ETNK1: variants seen among roughly 807,000 people sequenced by gnomAD.
The protein encoded by ETNK1 is ethanolamine kinase 1.
A neutral mutation model predicts 45.1 loss-of-function variants in ETNK1; 8 were observed. The observed-to-expected ratio is 0.18, with a 90% CI of 0.10 to 0.32. The LOEUF (loss-of-function observed/expected upper bound fraction) is 0.32, where lower values mean the gene tolerates loss of function less well. Among genes scored for constraint, ETNK1 ranks in the 10% least tolerant of loss-of-function variants. The pLI, the probability that ETNK1 is intolerant of heterozygous loss-of-function variation, is 1.00. For synonymous variants in ETNK1, 152 were observed against 151.9 expected (o/e 1.00, Z -0.01); for missense variants, 302 against 430.6 (o/e 0.70, Z 2.64).
intron 2 of ETNK1, among the ~76,000 whole-genome samples, chr12:22,658,001 A>G (rs1227460816): frequency 6.6e-6 from 1 of 152,216 alleles, no homozygotes; most frequent in Non-Finnish European, 1.5e-5. Context: ...TTTGCATATT[A>G]AAATCACTTG....
intron 1 of ETNK1, among the ~76,000 whole-genome samples, chr12:22,627,153 T>A (rs965488893): frequency 1.3e-5 from 2 of 150,436 alleles, no homozygotes; most frequent in Admixed American, 6.6e-5. Flanking sequence ...TTAAATTATT[T>A]TTTTTTTATC....
In ETNK1 at chr12:22,690,155, G is replaced by A. The variant is rs941067887; in HGVS notation, c.*5201G>A. On this transcript the variant is annotated 3_prime_UTR_variant, in exon 8 of 8. Transcript: ENST00000266517. ...TGTTTATCAAATGTGAACCATAGTA[G>A]TATAATGCTGCTTTGTATATAATGT... 4 of 152,452 alleles carry A rather than the reference G, an allele frequency of 2.6e-5. No individual in the cohort carries two copies. The highest frequency in any genetic ancestry group is 1.5e-5 in the Non-Finnish European group (1 of 67,894). The allele number at this position is 152,452 out of a possible 1,614,324, so 9.4% of individuals were successfully genotyped here. A position where few individuals can be genotyped will look rare whatever the true frequency, so the allele number is the denominator to read the frequency against.
chr12:22,681,137 G>A (rs187819256), intron 6 of ETNK1, among the ~76,000 whole-genome samples: 2 of 151,946 alleles, frequency 1.3e-5, no homozygotes, highest in Admixed American at 1.3e-4. Flanking sequence ...GCTGTTTTCT[G>A]CCTTTGTTTC....
intron 1 of ETNK1, among the ~76,000 whole-genome samples, chr12:22,636,722 TTTC>T (rs1366395298): frequency 1.3e-5 from 2 of 152,224 alleles, no homozygotes; most frequent in Non-Finnish European, 2.9e-5. Flanking sequence ...GCAGATATTT[TTTC>T]TTGTCATTAT....
At chr12:22,656,789 A>G in intron 2 of ETNK1, 1 of 983,066 alleles carries the variant, frequency 1.0e-6, no homozygotes, top group Non-Finnish European at 1.2e-6. Context: ...TATTTAAAAA[A>G]ACCACAGCAA....
chr12:22,639,006 A>G (rs1052914503), intron 1 of ETNK1: 1 of 152,172 alleles, frequency 6.6e-6, no homozygotes, highest in Non-Finnish European at 1.5e-5. Flanking sequence ...TCAGTTCATA[A>G]TAAAATTTTA....
rs962100791 is a variant in ETNK1, at chr12:22,684,350, A to C, written c.946-133A>C. The C allele has an allele frequency of 2.0e-5, 13 of 635,856 alleles. No homozygotes were observed. The African/African-American group carries it at 2.2e-4, about 11-fold the overall frequency. The allele number at this position is 635,856 out of a possible 1,614,324, so 39.4% of individuals were successfully genotyped here. ...GACGTCAGTAGGATCTAGGTTTTAG[A>C]CGCTTTATATAAAAAGAACAGCAAG... On this transcript the variant is annotated intron_variant, in intron 6 of 7. Transcript: ENST00000266517.
intron 2 of ETNK1, among the ~76,000 whole-genome samples, chr12:22,650,355 C>G (rs552502865): frequency 4.6e-5 from 7 of 151,306 alleles, no homozygotes; most frequent in African/African-American, 1.7e-4. Flanking sequence ...TTCTTTATTC[C>G]TGATCTTAGT....
chr12:22,681,497 T>G (rs920898485), intron 6 of ETNK1, among the ~76,000 whole-genome samples: 1 of 152,062 alleles, frequency 6.6e-6, no homozygotes, highest in African/African-American at 2.4e-5. Context: ...CAATTTAGAC[T>G]AGTGGTTCTC....
At chr12:22,650,046 T>C (rs1417409188) in intron 2 of ETNK1, among the ~76,000 whole-genome samples, 1 of 152,070 alleles carries the variant, frequency 6.6e-6, no homozygotes, top group Non-Finnish European at 1.5e-5. Flanking sequence ...AAGTATTGTA[T>C]TTTTGGGGGT....
At chr12:22,652,405 T>C (rs1377248007) in intron 2 of ETNK1, among the ~76,000 whole-genome samples, 1 of 152,210 alleles carries the variant, frequency 6.6e-6, no homozygotes, top group Non-Finnish European at 1.5e-5. Context: ...ATGGTAATTC[T>C]GGTTTTAATT....
chr12:22,660,831 T>C (rs1416825661), intron 3 of ETNK1, among the ~76,000 whole-genome samples: 2 of 152,098 alleles, frequency 1.3e-5, no homozygotes, highest in African/African-American at 4.8e-5. Context: ...TTAGTGAGTT[T>C]TTTAACTTTT....
chr12:22,629,568 A>G (rs980819680), intron 1 of ETNK1, among the ~76,000 whole-genome samples: 5 of 152,146 alleles, frequency 3.3e-5, no homozygotes, highest in Non-Finnish European at 7.4e-5. Flanking sequence ...TTAAAGGAAG[A>G]AGAAAAAGCC....
chr12:22,651,715 C>G (rs1345899738), intron 2 of ETNK1, among the ~76,000 whole-genome samples: 1 of 140,858 alleles, frequency 7.1e-6, no homozygotes, highest in Non-Finnish European at 1.5e-5. Flanking sequence ...GACAGAGTCT[C>G]GCCATGTCGC....
intron 1 of ETNK1, among the ~76,000 whole-genome samples, chr12:22,636,543 A>G (rs1565863141): frequency 2.0e-5 from 3 of 152,228 alleles, no homozygotes; most frequent in South Asian, 4.1e-4. Context: ...ATTAAGGTCT[A>G]TTTTATTTGA....
chr12:22,625,734 C>A, intron 1 of ETNK1, 148 bp downstream of exon 1: 1 of 1,181,928 alleles, frequency 8.5e-7, no homozygotes, highest in Non-Finnish European at 1.2e-6. Flanking sequence ...TGTATTTCCC[C>A]TCACACCTAG....
At chr12:22,627,189 G>GT (rs1424898656) in intron 1 of ETNK1, among the ~76,000 whole-genome samples, 1 of 151,950 alleles carries the variant, frequency 6.6e-6, no homozygotes, top group African/African-American at 2.4e-5. Flanking sequence ...ACCATATTAG[G>GT]TAGGCACTAT....
At chr12:22,681,461 T>C (rs1954215063) in intron 6 of ETNK1, among the ~76,000 whole-genome samples, 1 of 152,010 alleles carries the variant, frequency 6.6e-6, no homozygotes, top group Non-Finnish European at 1.5e-5. Flanking sequence ...TATAGGTGAT[T>C]TTATATCAGC....
intron 6 of ETNK1, among the ~76,000 whole-genome samples, chr12:22,683,328 C>T (rs1386566090): frequency 6.6e-6 from 1 of 151,748 alleles, no homozygotes; most frequent in Non-Finnish European, 1.5e-5. Flanking sequence ...GCATGCTCCT[C>T]ACTGCAGCCT....
Sources: gnomAD v4.1 joint callset for allele counts (sites outside exome capture counted in the v4.1 genomes callset) on GRCh38, gnomAD v4.1.1 for gene constraint, MANE v1.5 for transcripts, NCBI Gene and HGNC (gene_info 2026-07-23, HGNC 2026-07-21) for gene names.